TGFBRAP1: variants seen among roughly 807,000 people sequenced by gnomAD.
TGFBRAP1 encodes the protein transforming growth factor beta receptor associated protein 1, also known as transforming growth factor-beta receptor-associated protein 1.
TGFBRAP1 carries 20 observed loss-of-function variants against 83.2 expected under a neutral mutation model. The observed-to-expected ratio is 0.24, with a 90% CI of 0.17 to 0.35. TGFBRAP1 has a LOEUF of 0.35. TGFBRAP1 is among the 10% of genes least tolerant of loss of function. TGFBRAP1 has a pLI of 1.00. For missense variants in TGFBRAP1, 950 were observed against 1,099.4 expected, an observed-to-expected ratio of 0.86 and a Z score of 1.92; for synonymous variants, 415 against 459.8, an observed-to-expected ratio of 0.90 and a Z score of 1.25.
downstream of TGFBRAP1, among the ~76,000 whole-genome samples, chr2:105,259,898 G>A (rs1009050829): frequency 2.0e-5 from 3 of 152,156 alleles, no homozygotes; most frequent in East Asian, 5.8e-4. Context: ...AGCTCTGCTT[G>A]TTGGTCTGTT....
chr2:105,324,731 T>C (rs1679173994), intron 1 of TGFBRAP1, among the ~76,000 whole-genome samples: 2 of 152,124 alleles, frequency 1.3e-5, no homozygotes, highest in Admixed American at 6.5e-5. Flanking sequence ...TCCTGCTGTG[T>C]TCAGAATTGG....
intron 4 of TGFBRAP1, among the ~76,000 whole-genome samples, chr2:105,296,114 C>CA (rs1678079663): frequency 6.6e-6 from 1 of 152,188 alleles, no homozygotes; most frequent in Non-Finnish European, 1.5e-5. Flanking sequence ...AGAATTAAGT[C>CA]ACAAGTTAGA....
chr2:105,278,698 C>T (rs994386657), intron 6 of TGFBRAP1, among the ~76,000 whole-genome samples: 13 of 152,148 alleles, frequency 8.5e-5, no homozygotes, highest in Non-Finnish European at 1.5e-5. Flanking sequence ...CAGCAGGAAA[C>T]TGGAGTAAGT....
rs1233783857 is a variant in TGFBRAP1 at position 105,284,341 on chromosome 2, A to G, written c.1096T>C (p.Phe366Leu). 1.2e-6 allele frequency: 2 copies of G among 1,614,026 alleles called. No homozygotes were observed. The highest frequency in any genetic ancestry group is 1.7e-6 in the Non-Finnish European group (2 of 1,179,920). The change falls in exon 5 of 12, where the codon TTC becomes CTC. Residue 366 changes from phenylalanine to leucine, a missense_variant. Transcript: ENST00000393359. ...CTGAAGAGCTCTTTAGCTTCCAGGA[A>G]CTGAAGTTGTGCAAACTGTATAAAT... ...AGFIQFAQLQ[F>L]LEAKELFRSG...
chr2:105,249,860 G>A, the TGFBRAP1 span: 3 of 152,404 alleles, frequency 2.0e-5, no homozygotes, highest in African/African-American at 7.2e-5. Flanking sequence ...CTATTCCAGT[G>A]GACGGAGGGC....
At chr2:105,324,466 C>T (rs1679164538) in intron 1 of TGFBRAP1, among the ~76,000 whole-genome samples, 2 of 152,100 alleles carry the variant, frequency 1.3e-5, no homozygotes, top group Admixed American at 1.3e-4. Context: ...GAACCAATAC[C>T]CATCAGTCCA....
At chr2:105,321,621 A>G (rs1679070477) in intron 1 of TGFBRAP1, among the ~76,000 whole-genome samples, 4 of 152,230 alleles carry the variant, frequency 2.6e-5, no homozygotes. Flanking sequence ...TGTCCATCAC[A>G]GGGGAAAACT....
intron 10 of TGFBRAP1, among the ~76,000 whole-genome samples, chr2:105,271,956 T>C (rs541963760): frequency 4.6e-5 from 7 of 152,302 alleles, no homozygotes; most frequent in African/African-American, 1.4e-4. Flanking sequence ...TGCATTTTGG[T>C]GCTTCTTGTT....
At chr2:105,294,842 A>C (rs1678028520) in intron 4 of TGFBRAP1, among the ~76,000 whole-genome samples, 1 of 152,220 alleles carries the variant, frequency 6.6e-6, no homozygotes, top group Non-Finnish European at 1.5e-5. Flanking sequence ...TACACGCTTA[A>C]AATGTGCACA....
At position 105,265,056 on chromosome 2, in the gene TGFBRAP1, A is replaced by C. The variant is rs1676875763; in HGVS notation, c.*2327T>G. The C allele has an allele frequency of 6.6e-6, 1 of 152,274 alleles. No homozygotes were observed. The highest frequency in any genetic ancestry group is 2.4e-5 in the African/African-American group (1 of 41,480). The allele number at this position is 152,274 out of a possible 1,614,324, so 9.4% of individuals were successfully genotyped here. Reference sequence around the variant, plus strand: ...ATGAGACAATTCTTCATACTGTAATAGAATGCTGCTTGTGGTGAAGGATTT... The same window carrying C: ...ATGAGACAATTCTTCATACTGTAATCGAATGCTGCTTGTGGTGAAGGATTT... On this transcript the variant is annotated 3_prime_UTR_variant, in exon 12 of 12. Transcript: ENST00000393359.
At chr2:105,288,736 C>T (rs575786503) in intron 4 of TGFBRAP1, among the ~76,000 whole-genome samples, 81 of 152,066 alleles carry the variant, frequency 5.3e-4, no homozygotes, top group African/African-American at 1.7e-3. Flanking sequence ...ACATCTTTCC[C>T]GAAATATATT....
downstream of TGFBRAP1, among the ~76,000 whole-genome samples, chr2:105,262,827 T>G (rs894810137): frequency 6.6e-6 from 1 of 152,228 alleles, no homozygotes; most frequent in African/African-American, 2.4e-5. Context: ...AAAAGTAGGC[T>G]TCATTAATTC....
chr2:105,291,473 A>G (rs150392101), intron 4 of TGFBRAP1, among the ~76,000 whole-genome samples: 24 of 152,302 alleles, frequency 1.6e-4, no homozygotes, highest in African/African-American at 5.3e-4. Context: ...AAGAGAGAGA[A>G]TGATTGGTTC....
intron 1 of TGFBRAP1, among the ~76,000 whole-genome samples, chr2:105,316,467 G>A (rs1273086567): frequency 8.9e-4 from 52 of 58,256 alleles, no homozygotes; most frequent in African/African-American, 3.1e-3. Flanking sequence ...GTGTGTGCGC[G>A]CGCGCGCGCG....
chr2:105,267,321 C>T lies in TGFBRAP1; in HGVS notation c.*62G>A. ...ACACAGAGCATGGTGGTCATCTGCT[C>T]TTCATGTCCAGCAGGCTCAGAAAGA... On this transcript the variant is annotated 3_prime_UTR_variant, in exon 12 of 12. Coordinates refer to ENST00000393359, the MANE Select transcript of TGFBRAP1 (RefSeq NM_004257.6). 6.3e-7 allele frequency: 1 copy of T among 1,594,318 alleles called. No individual in the cohort carries two copies. Among genetic ancestry groups the T allele is most frequent in the Non-Finnish European group, 8.6e-7 (1 of 1,169,428 alleles).
chr2:105,299,230 GTGATCACGCCAC>G (rs1678199020), intron 2 of TGFBRAP1, among the ~76,000 whole-genome samples: 1 of 152,154 alleles, frequency 6.6e-6, no homozygotes, highest in East Asian at 1.9e-4. Flanking sequence ...GCAGTGAGCC[GTGATCACGCCAC>G]TGTACTCCAG....
the TGFBRAP1 span, among the ~76,000 whole-genome samples, chr2:105,250,486 C>T: frequency 1.4e-4 from 22 of 152,158 alleles, no homozygotes; most frequent in Middle Eastern, 3.4e-3. Flanking sequence ...ATTCATGGTC[C>T]TTTGGAGGAA....
At position 105,269,423 on chromosome 2, in the gene TGFBRAP1, T is replaced by C; in HGVS notation, c.2255A>G (p.Gln752Arg). 1.2e-6 allele frequency: 2 copies of C among 1,613,972 alleles called. No individual in the cohort carries two copies. Among genetic ancestry groups the C allele is most frequent in the Non-Finnish European group, 1.7e-6 (2 of 1,179,998 alleles). ...NRHATEFDAA[Q>R]VLQMLPDTWS... ...GGTGTCAGGCAGCATCTGCAGCACC[T>C]GGGCTGCATCAAATTCGGTGGCGTG... The change falls in exon 11 of 12, where the codon CAG becomes CGG. Residue 752 changes from glutamine (Q) to arginine (R), a missense_variant. Transcript: ENST00000393359. The surrounding 1 kb of genome is among the most constrained non-coding windows in gnomAD (Gnocchi z 4.1).
Position 105,303,295 on chromosome 2 carries a change from C to G in TGFBRAP1, c.688+4319G>C, listed in dbSNP as rs540637702. On this transcript the variant is annotated intron_variant, in intron 2 of 11. Transcript: ENST00000393359. ...AATAAAATAAAATAAAAAAGACATA[C>G]TTCCCAGCACTGTCTACTGAAAGAA... Among the ~76,000 whole-genome samples the G allele has an allele frequency of 2.0e-5, 3 of 152,204 alleles. No homozygotes were observed. In the East Asian group the frequency reaches 5.8e-4, roughly 29 times the overall value.
Sources: gnomAD v4.1 joint callset for allele counts (sites outside exome capture counted in the v4.1 genomes callset) on GRCh38, gnomAD v4.1.1 for gene constraint, Gnocchi (gnomAD v3.1) non-coding constraint, MANE v1.5 for transcripts, NCBI Gene and HGNC (gene_info 2026-07-23, HGNC 2026-07-21) for gene names.